The following ZNF407 variants were observed in gnomAD, a reference collection of about 807,000 sequenced individuals.
ZNF407 encodes the protein zinc finger protein 407.
A neutral mutation model predicts 131.2 loss-of-function variants in ZNF407; 17 were observed. That is an observed-to-expected ratio of 0.13 (90% CI 0.09 to 0.19). The LOEUF (loss-of-function observed/expected upper bound fraction) is 0.19, where lower values mean the gene tolerates loss of function less well. Among genes scored for constraint, ZNF407 ranks in the 10% least tolerant of loss-of-function variants. The pLI is 1.00. For synonymous variants in ZNF407, 1,156 were observed against 1,062.0 expected (o/e 1.09, Z -1.72); for missense variants, 2,681 against 2,830.6 (o/e 0.95, Z 1.20).
At chr18:75,033,580 T>C (rs1405240325) in intron 8 of ZNF407, among the ~76,000 whole-genome samples, 3 of 152,136 alleles carry the variant, frequency 2.0e-5, no homozygotes, top group Non-Finnish European at 4.4e-5. Flanking sequence ...AGGTGGCAGA[T>C]AAAAAGAGGC....
rs1972489763 is a variant in ZNF407, at chr18:74,973,038, G to A, written c.5428+52346G>A. 3.3e-5 allele frequency among the ~76,000 whole-genome samples: 5 copies of A among 151,926 alleles called. No individual in the cohort carries two copies. The South Asian group carries it at 1.0e-3, about 32-fold the overall frequency. ...TTTCTCAGTTTTCTTTTTCCTGCCT[G>A]CTTGCGGTTTACTTGAACTTTTTCT... On this transcript the variant is annotated intron_variant, in intron 8 of 8. Coordinates refer to ENST00000299687, the MANE Select transcript of ZNF407 (RefSeq NM_017757.3).
rs1395253801 is a variant in ZNF407, at chr18:74,641,043, G to A, written c.4723G>A (p.Ala1575Thr). 2 of 1,613,246 alleles carry A rather than the reference G, an allele frequency of 1.2e-6. No individual in the cohort carries two copies. The highest frequency in any genetic ancestry group is 1.7e-6 in the Non-Finnish European group (2 of 1,179,398). Residue 1575 changes from alanine to threonine, a missense_variant, in exon 3 of 9, where the codon GCA (alanine) becomes ACA (threonine). Physicochemically the swap from Ala to Thr is moderately conservative, Grantham distance 58. Around this residue, in one of 6 missense-constraint regions of ZNF407, gnomAD observed 213 missense variants for 332.2 expected, o/e 0.64. Transcript: ENST00000299687. ...KPFKCKICHF[A>T]TAQLGDARNH... ...ATTCAAGTGCAAGATATGCCATTTTGCAACAGCTCAGCTTGGAGATGCCAG... is the reference window on the plus strand; with the variant it reads ...ATTCAAGTGCAAGATATGCCATTTTACAACAGCTCAGCTTGGAGATGCCAG...
chr18:74,876,236 ATCTT>A, intron 4 of ZNF407, among the ~76,000 whole-genome samples: 1 of 152,318 alleles, frequency 6.6e-6, no homozygotes, highest in Non-Finnish European at 1.5e-5. Flanking sequence ...GCCAGACACT[ATCTT>A]TGTGGCATCG....
At chr18:74,880,592 C>A (rs1288647229) in intron 5 of ZNF407, among the ~76,000 whole-genome samples, 2 of 152,150 alleles carry the variant, frequency 1.3e-5, no homozygotes. Flanking sequence ...AGAACCAATT[C>A]AATATCCTTA....
Position 74,631,459 on chromosome 18 carries a change from C to T in ZNF407, c.440C>T (p.Thr147Ile), listed in dbSNP as rs1248202977. ...FSTIDVVSLK[T>I]DTEKTSAQEM... ...ACTATTGATGTTGTTTCTCTGAAAA[C>T]AGACACTGAAAAAACATCTGCTCAG... is the stretch of plus-strand genomic sequence containing the variant. Residue 147 changes from threonine to isoleucine, a missense_variant, in exon 2 of 9, where the codon ACA becomes ATA. Around this residue, in one of 6 missense-constraint regions of ZNF407, gnomAD observed 1,789 missense variants for 1,748.7 expected, o/e 1.02. Transcript: ENST00000299687. 6.2e-7 allele frequency: 1 copy of T among 1,613,984 alleles called. No homozygotes were observed. Among genetic ancestry groups the T allele is most frequent in the South Asian group, 1.1e-5 (1 of 91,086 alleles).
At chr18:74,603,340 T>G (rs1189930952) in intron 1 of ZNF407, among the ~76,000 whole-genome samples, 1 of 152,208 alleles carries the variant, frequency 6.6e-6, no homozygotes, top group African/African-American at 2.4e-5. Context: ...GAAAAACCAA[T>G]GCATGCACAC....
intron 3 of ZNF407, among the ~76,000 whole-genome samples, chr18:74,738,167 A>T (rs1217376605): frequency 6.6e-6 from 1 of 152,200 alleles, no homozygotes; most frequent in East Asian, 1.9e-4. Flanking sequence ...CACACCTGTA[A>T]TCCCAGCACT....
At chr18:74,649,859 C>T (rs1985146165) in intron 3 of ZNF407, among the ~76,000 whole-genome samples, 1 of 152,200 alleles carries the variant, frequency 6.6e-6, no homozygotes, top group African/African-American at 2.4e-5. Flanking sequence ...GATCAACATT[C>T]GTCCATTCAT....
At chr18:74,753,681 GC>G (rs1968860310) in intron 3 of ZNF407, among the ~76,000 whole-genome samples, 1 of 152,340 alleles carries the variant, frequency 6.6e-6, no homozygotes, top group East Asian at 1.9e-4. Context: ...TGTTGAACCA[GC>G]CTTGCATCCC....
At chr18:74,849,057 T>TA (rs1970742282) in intron 4 of ZNF407, among the ~76,000 whole-genome samples, 1 of 144,782 alleles carries the variant, frequency 6.9e-6, no homozygotes, top group African/African-American at 2.5e-5. Context: ...TGTTTCTTTT[T>TA]TTTTTTTTTA....
At chr18:75,042,058 CTTT>C (rs74265948) in intron 8 of ZNF407, among the ~76,000 whole-genome samples, 1 of 141,558 alleles carries the variant, frequency 7.1e-6, no homozygotes, top group Non-Finnish European at 1.6e-5. Flanking sequence ...CATTTCTTTC[CTTT>C]TTTTTTTTTT....
intron 3 of ZNF407, among the ~76,000 whole-genome samples, chr18:74,746,194 A>C (rs1444920782): frequency 6.6e-6 from 1 of 152,132 alleles, no homozygotes; most frequent in Non-Finnish European, 1.5e-5. Context: ...ACGAAAGATA[A>C]AAAGGGGTGC....
intron 3 of ZNF407, among the ~76,000 whole-genome samples, 185 bp from the exon 4 acceptor site, chr18:74,781,243 T>C (rs563368536): frequency 6.6e-6 from 1 of 152,308 alleles, no homozygotes; most frequent in African/African-American, 2.4e-5. Context: ...AATTTAGATG[T>C]AGACTTCTTT....
At chr18:74,704,911 T>G (rs1967588746) in intron 3 of ZNF407, among the ~76,000 whole-genome samples, 1 of 152,206 alleles carries the variant, frequency 6.6e-6, no homozygotes, top group African/African-American at 2.4e-5. Flanking sequence ...TATGTCTCAT[T>G]AATAGTAGGC....
intron 3 of ZNF407, among the ~76,000 whole-genome samples, chr18:74,751,924 C>G (rs1968813566): frequency 6.6e-6 from 1 of 152,164 alleles, no homozygotes; most frequent in African/African-American, 2.4e-5. Context: ...ATTTCTAGTT[C>G]TAGATCCCTG....
chr18:74,930,548 G>A (rs930261723), intron 8 of ZNF407, among the ~76,000 whole-genome samples: 2 of 151,902 alleles, frequency 1.3e-5, no homozygotes, highest in Admixed American at 1.3e-4. Context: ...TTTCTTTCCT[G>A]CATTTCTTCT....
rs142509373 is a variant in ZNF407, at chr18:74,961,520, A to C, written c.5428+40828A>C. Among the ~76,000 whole-genome samples, 1,466 of 152,218 alleles carry C rather than the reference A, an allele frequency of 9.6e-3. 18 individuals are homozygous for C. The highest frequency in any genetic ancestry group is 0.031 in the African/African-American group (1,273 of 41,532). On this transcript the variant is annotated intron_variant, in intron 8 of 8. Coordinates refer to ENST00000299687, the MANE Select transcript of ZNF407 (RefSeq NM_017757.3). ...GATCACTTGAGCCCAGGAGTTTGAG[A>C]CCAGCCTGGGCAACATGATGAAACC...
chr18:74,765,347 T>C (rs988297628), intron 3 of ZNF407, among the ~76,000 whole-genome samples: 3 of 152,256 alleles, frequency 2.0e-5, no homozygotes, highest in Non-Finnish European at 4.4e-5. Flanking sequence ...CATTGAATTC[T>C]AGACATTGTT....
intron 4 of ZNF407, among the ~76,000 whole-genome samples, chr18:74,846,362 A>G (rs1970703054): frequency 6.7e-6 from 1 of 150,116 alleles, no homozygotes; most frequent in Non-Finnish European, 1.5e-5. Context: ...TTTTTTGGAG[A>G]CGGAATCTGC....
Sources: allele counts gnomAD v4.1 joint callset (sites outside exome capture counted in the v4.1 genomes callset), GRCh38; gene constraint gnomAD v4.1.1; regional missense constraint gnomAD v4.1.1; transcripts MANE v1.5; gene names NCBI Gene and HGNC (gene_info 2026-07-23, HGNC 2026-07-21).